SGCD: variants seen among roughly 807,000 people sequenced by gnomAD.
The protein encoded by SGCD is delta-sarcoglycan.
Under a neutral mutation model 36.6 loss-of-function variants are expected in SGCD, and 18 were observed. The ratio of observed to expected loss-of-function variants is 0.49; its 90% CI spans 0.34 to 0.73. The LOEUF is 0.73. Ranked by LOEUF, SGCD falls within the 30% of genes least tolerant of loss-of-function variation. SGCD has a pLI of 0.01. For missense variants in SGCD, 387 were observed against 346.7 expected (o/e 1.12, Z -0.92); for synonymous variants, 133 against 130.6 (o/e 1.02, Z -0.12).
intron 7 of SGCD, among the ~76,000 whole-genome samples, chr5:156,729,187 C>T (rs1755933632): frequency 6.6e-6 from 1 of 152,142 alleles, no homozygotes; most frequent in African/African-American, 2.4e-5. Context: ...TGCTATATAT[C>T]ATTCTTGGAT....
rs568766185 is a variant in SGCD at position 156,503,471 on chromosome 5, T to A, written c.193-5130T>A. 2.6e-5 allele frequency among the ~76,000 whole-genome samples: 4 copies of A among 152,304 alleles called. No homozygotes were observed. In the East Asian group the frequency reaches 7.7e-4, roughly 29 times the overall value. ...GGATGGTTCTATCTATTAATATCACTGACTGCAGTTACCCAGTAAGCTAAA... is the reference window on the plus strand; with the variant it reads ...GGATGGTTCTATCTATTAATATCACAGACTGCAGTTACCCAGTAAGCTAAA... On this transcript the variant is annotated intron_variant, in intron 3 of 8. Transcript: ENST00000337851.
At chr5:156,131,310 T>C (rs1236053907) in intron 3 of SGCD, among the ~76,000 whole-genome samples, 1 of 152,228 alleles carries the variant, frequency 6.6e-6, no homozygotes, top group East Asian at 1.9e-4. Context: ...TCTGGGTGTA[T>C]GACCAATGAC....
At chr5:156,186,407 C>T (rs184817328) in intron 3 of SGCD, among the ~76,000 whole-genome samples, 80 of 152,258 alleles carry the variant, frequency 5.3e-4, no homozygotes, top group South Asian at 1.9e-3. Context: ...TCCTTCATCC[C>T]TACCGTTCAA....
At chr5:155,949,173 G>A (rs991644342) in intron 1 of SGCD, among the ~76,000 whole-genome samples, 3 of 152,166 alleles carry the variant, frequency 2.0e-5, no homozygotes, top group Admixed American at 2.0e-4. Flanking sequence ...GGCACATTAG[G>A]TCAATTTAAA....
the SGCD span, among the ~76,000 whole-genome samples, chr5:155,840,017 T>C: frequency 6.6e-6 from 1 of 152,146 alleles, no homozygotes; most frequent in Non-Finnish European, 1.5e-5. Flanking sequence ...CTGCCCTGAT[T>C]GAATGTGCCT....
chr5:156,305,779 C>A (rs948083561), intron 3 of SGCD, among the ~76,000 whole-genome samples: 1 of 152,212 alleles, frequency 6.6e-6, no homozygotes, highest in African/African-American at 2.4e-5. Flanking sequence ...CAGGGCAGAG[C>A]TGCCCAAGAC....
At chr5:156,507,287 T>A in intron 3 of SGCD, among the ~76,000 whole-genome samples, 1 of 152,190 alleles carries the variant, frequency 6.6e-6, no homozygotes, top group East Asian at 1.9e-4. Flanking sequence ...AGAGTGGTTT[T>A]ACATGAGAAA....
chr5:156,093,583 A>G (rs1761301343), intron 1 of SGCD, among the ~76,000 whole-genome samples: 1 of 152,206 alleles, frequency 6.6e-6, no homozygotes. Flanking sequence ...AACTCCTACC[A>G]GGATGCACAT....
At chr5:155,834,326 T>C in the SGCD span, among the ~76,000 whole-genome samples, 3 of 152,204 alleles carry the variant, frequency 2.0e-5, no homozygotes, top group African/African-American at 7.2e-5. Context: ...CGGTACTGCA[T>C]GTAAATATTG....
rs1202070980 is a variant in SGCD at position 156,758,043 on chromosome 5, A to C, written c.699+339A>C. Reference sequence around the variant, plus strand: ...TAATTAAGCTGTATATATTATACACATCTGGCTCAAGATGAACTTAATTTA... The same window carrying C: ...TAATTAAGCTGTATATATTATACACCTCTGGCTCAAGATGAACTTAATTTA... On this transcript the variant is annotated intron_variant, in intron 8 of 8. Coordinates refer to ENST00000337851, the MANE Select transcript of SGCD (RefSeq NM_000337.6). The C allele has an allele frequency of 2.9e-6, 3 of 1,038,878 alleles. No individual in the cohort carries two copies. In the African/African-American group the frequency reaches 5.0e-5, roughly 17 times the overall value. The allele number at this position is 1,038,878 out of a possible 1,614,324, so 64.4% of individuals were successfully genotyped here.
At chr5:156,229,908 A>T (rs116024920) in intron 3 of SGCD, among the ~76,000 whole-genome samples, 2,316 of 152,090 alleles carry the variant, frequency 0.015, 26 homozygotes, top group Non-Finnish European at 0.026. Flanking sequence ...CGAAGACCTT[A>T]TTTTTGAGTT....
chr5:156,697,310 G>A (rs1341183653), intron 7 of SGCD, among the ~76,000 whole-genome samples: 2 of 152,126 alleles, frequency 1.3e-5, no homozygotes, highest in African/African-American at 4.8e-5. Flanking sequence ...TTGCTTTAAT[G>A]GCGCAGCTCC....
chr5:156,038,386 G>A (rs1386813453), intron 1 of SGCD, among the ~76,000 whole-genome samples: 1 of 150,282 alleles, frequency 6.7e-6, no homozygotes, highest in Non-Finnish European at 1.5e-5. Flanking sequence ...TCCTGGAACA[G>A]AAAAAAAATC....
chr5:156,379,706 A>G (rs1271941650), intron 3 of SGCD, among the ~76,000 whole-genome samples: 1 of 152,190 alleles, frequency 6.6e-6, no homozygotes, highest in African/African-American at 2.4e-5. Flanking sequence ...CACTATTACA[A>G]TAATCCAGGC....
intron 1 of SGCD, among the ~76,000 whole-genome samples, chr5:155,930,508 T>C (rs1004919946): frequency 6.6e-6 from 1 of 152,206 alleles, no homozygotes; most frequent in Non-Finnish European, 1.5e-5. Flanking sequence ...TGGAATATTA[T>C]GGCTAATGTG....
At chr5:156,538,105 G>GAAAAA (rs112252812) in intron 4 of SGCD, among the ~76,000 whole-genome samples, 1 of 148,180 alleles carries the variant, frequency 6.7e-6, no homozygotes, top group African/African-American at 2.5e-5. Context: ...AATATATTTG[G>GAAAAA]AAAAAAAAAA....
chr5:156,683,459 A>G (rs970102975), intron 7 of SGCD, among the ~76,000 whole-genome samples: 6 of 152,244 alleles, frequency 3.9e-5, no homozygotes, highest in African/African-American at 1.2e-4. Flanking sequence ...GATTAAATCC[A>G]AATCAGCCGA....
At chr5:156,232,434 T>C (rs1383856643) in intron 3 of SGCD, among the ~76,000 whole-genome samples, 3 of 152,234 alleles carry the variant, frequency 2.0e-5, no homozygotes, top group African/African-American at 7.2e-5. Flanking sequence ...TGGATCCTTG[T>C]TCTGCCTCCC....
chr5:156,340,911 G>T (rs6870744), intron 2 of SGCD, among the ~76,000 whole-genome samples: 9 of 151,892 alleles, frequency 5.9e-5, no homozygotes, highest in Non-Finnish European at 1.2e-4. Flanking sequence ...TTCCATGCAG[G>T]ATTCTTTATA....
Sources: gnomAD v4.1 joint callset for allele counts (sites outside exome capture counted in the v4.1 genomes callset) on GRCh38, gnomAD v4.1.1 for gene constraint, MANE v1.5 for transcripts, NCBI Gene and HGNC (gene_info 2026-07-23, HGNC 2026-07-21) for gene names.